Variants in TRIP4 observed in about 807,000 individuals in gnomAD.
The protein encoded by TRIP4 is activating signal cointegrator 1.
In TRIP4, 54 loss-of-function variants were observed where a neutral mutation model predicts 81.8. The ratio of observed to expected loss-of-function variants is 0.66; its 90% CI spans 0.53 to 0.83. The LOEUF (loss-of-function observed/expected upper bound fraction) is 0.83. Among genes scored for constraint, TRIP4 ranks in the 40% least tolerant of loss-of-function variants. The pLI is 0.00. For missense variants in TRIP4, 662 were observed against 683.6 expected (o/e 0.97, Z 0.35); for synonymous variants, 270 against 242.8 (o/e 1.11, Z -1.04).
intron 12 of TRIP4, among the ~76,000 whole-genome samples, chr15:64,452,901 C>T (rs1366635789): frequency 6.6e-6 from 1 of 152,100 alleles, no homozygotes; most frequent in African/African-American, 2.4e-5. Flanking sequence ...AGTTTTTCAG[C>T]CAGGTGTGGT....
rs1891839721 is a variant in TRIP4 at position 64,414,318 on chromosome 15, T to TGTACCAATCAGCTCTCTCAAC, written c.1170+107_1170+108insGTACCAATCAGCTCTCTCAAC. 57 of 1,421,166 alleles carry TGTACCAATCAGCTCTCTCAAC rather than the reference T, an allele frequency of 4.0e-5. No homozygotes were observed. The South Asian group carries it at 6.0e-4, about 15-fold the overall frequency. 88.0% of individuals were successfully genotyped at this position (1,421,166 alleles called of 1,614,324 possible). A position where few individuals can be genotyped will look rare whatever the true frequency, so the allele number is the denominator to read the frequency against. ...TTCAGATACCAATCAGCTCTCTCAA[T>TGTACCAATCAGCTCTCTCAAC]ACACCTGTACCAATCAGCTCTCTCA... On this transcript the variant is annotated intron_variant, in intron 8 of 12. Coordinates refer to ENST00000261884, the MANE Select transcript of TRIP4 (RefSeq NM_016213.5).
At chr15:64,415,569 T>C (rs1891876384) in intron 8 of TRIP4, among the ~76,000 whole-genome samples, 1 of 152,216 alleles carries the variant, frequency 6.6e-6, no homozygotes, top group African/African-American at 2.4e-5. Context: ...TACTCTAATC[T>C]CTGCCTCTGT....
chr15:64,444,397 A>G (rs1054276157), intron 11 of TRIP4, among the ~76,000 whole-genome samples: 5 of 152,218 alleles, frequency 3.3e-5, no homozygotes, highest in Non-Finnish European at 7.3e-5. Context: ...ATTTGTTTTT[A>G]TGATAAGAGA....
At chr15:64,420,047 A>C (rs1409136473) in intron 9 of TRIP4, among the ~76,000 whole-genome samples, 3 of 150,432 alleles carry the variant, frequency 2.0e-5, no homozygotes. Flanking sequence ...AACTCCTAAC[A>C]TCGTGATTCG....
chr15:64,450,829 T>A, intron 12 of TRIP4: 1 of 437,094 alleles, frequency 2.3e-6, no homozygotes, highest in Non-Finnish European at 4.7e-6. Context: ...GGGTTGATCT[T>A]ACCTGAGCTG....
chr15:64,420,665 G>A (rs927918826), intron 9 of TRIP4, among the ~76,000 whole-genome samples: 4 of 151,340 alleles, frequency 2.6e-5, no homozygotes, highest in Admixed American at 6.6e-5. Flanking sequence ...CTGGGACTAC[G>A]GGCGCCCGCC....
At chr15:64,418,117 G>A (rs1891927433) in intron 8 of TRIP4, among the ~76,000 whole-genome samples, 1 of 152,094 alleles carries the variant, frequency 6.6e-6, no homozygotes, top group South Asian at 2.1e-4. Flanking sequence ...ATTTGTTGTT[G>A]TTGTTGTTGT....
intron 11 of TRIP4, among the ~76,000 whole-genome samples, chr15:64,435,893 GAAA>G (rs36118366): frequency 2.2e-4 from 28 of 127,588 alleles, no homozygotes; most frequent in Admixed American, 9.6e-4. Flanking sequence ...ATGGTAGATT[GAAA>G]AAAAAAAAAA....
chr15:64,453,143 A>T (rs1371524147), intron 12 of TRIP4, among the ~76,000 whole-genome samples: 1 of 152,182 alleles, frequency 6.6e-6, no homozygotes, highest in Non-Finnish European at 1.5e-5. Flanking sequence ...AGATTATGCC[A>T]TTGCACTCCA....
intron 8 of TRIP4, 81 bp downstream of exon 8, chr15:64,414,292 CTTCAG>C: frequency 1.3e-6 from 2 of 1,558,644 alleles, no homozygotes; most frequent in Non-Finnish European, 1.7e-6. Context: ...ATTTCATAGA[CTTCAG>C]ATACCAATCA....
At chr15:64,409,953 T>A in intron 7 of TRIP4, 125 bp downstream of exon 7, 1 of 845,496 alleles carries the variant, frequency 1.2e-6, no homozygotes, top group Non-Finnish European at 1.8e-6. Flanking sequence ...ACAGAAAACA[T>A]GTTAAGAATA....
intron 3 of TRIP4, among the ~76,000 whole-genome samples, chr15:64,396,086 T>A (rs1473087704): frequency 6.6e-6 from 1 of 151,550 alleles, no homozygotes; most frequent in Non-Finnish European, 1.5e-5. Context: ...TTTTTCGTAT[T>A]TTAGTAGAGA....
intron 11 of TRIP4, among the ~76,000 whole-genome samples, chr15:64,428,294 T>C (rs931429353): frequency 1.3e-5 from 2 of 152,226 alleles, no homozygotes; most frequent in African/African-American, 4.8e-5. Flanking sequence ...TCCTGATCTA[T>C]GGAATACTAT....
Position 64,391,225 on chromosome 15 carries a change from C to T in TRIP4, c.102-2721C>T, listed in dbSNP as rs552819040. ...AGGCTGGAGTGCAGTGGCAGGATCT[C>T]GGCTCACTGCAACCTCCACCTCCCA... On this transcript the variant is annotated intron_variant, in intron 1 of 12. Transcript: ENST00000261884. Among the ~76,000 whole-genome samples the T allele has an allele frequency of 1.8e-3, 271 of 151,590 alleles. 1 individual carries two copies. The highest frequency in any genetic ancestry group is 3.0e-3 in the Non-Finnish European group (205 of 67,918).
At chr15:64,440,273 C>T (rs1455711638) in intron 11 of TRIP4, among the ~76,000 whole-genome samples, 1 of 151,748 alleles carries the variant, frequency 6.6e-6, no homozygotes, top group Non-Finnish European at 1.5e-5. Flanking sequence ...AATGTGACAT[C>T]CAGAGCTTAT....
intron 8 of TRIP4, among the ~76,000 whole-genome samples, chr15:64,416,188 G>T (rs1299942950): frequency 6.6e-6 from 1 of 151,798 alleles, no homozygotes; most frequent in Admixed American, 6.6e-5. Context: ...CTATGATTAA[G>T]CCACCACACT....
intron 3 of TRIP4, among the ~76,000 whole-genome samples, chr15:64,396,571 G>A (rs958292677): frequency 3.3e-5 from 5 of 152,148 alleles, no homozygotes; most frequent in African/African-American, 1.2e-4. Context: ...GAGCAACTGT[G>A]CCCAGCCAGT....
chr15:64,394,138 A>G, intron 2 of TRIP4, 23 bp downstream of exon 2: 1 of 1,551,766 alleles, frequency 6.4e-7, no homozygotes, highest in Non-Finnish European at 8.7e-7. Flanking sequence ...AATTATGCAA[A>G]TGTTGAAATA....
In TRIP4 at chr15:64,454,969, T is replaced by C. The variant is rs114914733; in HGVS notation, c.1679-28T>C. On this transcript the variant is annotated intron_variant, in intron 12 of 12. Coordinates refer to ENST00000261884, the MANE Select transcript of TRIP4 (RefSeq NM_016213.5). ...TTTGCATTGCAAATACAAAAATAAA[T>C]AATGAGACTTATTTTTCTCCCTTAC... 4.4e-4 allele frequency: 702 copies of C among 1,609,278 alleles called. 7 individuals carry two copies. The African/African-American group carries it at 8.3e-3, about 19-fold the overall frequency.
Sources: allele counts gnomAD v4.1 joint callset (sites outside exome capture counted in the v4.1 genomes callset), GRCh38; gene constraint gnomAD v4.1.1; transcripts MANE v1.5; gene names NCBI Gene and HGNC (gene_info 2026-07-23, HGNC 2026-07-21).